The following LRRC4C variants were observed in gnomAD, a reference collection of about 807,000 sequenced individuals.
LRRC4C encodes leucine rich repeat containing 4C.
In LRRC4C, 5 loss-of-function variants were observed where a neutral mutation model predicts 33.6. The observed-to-expected ratio is 0.15, with a 90% confidence interval of 0.08 to 0.31. LRRC4C has a LOEUF of 0.31. Ranked by LOEUF, LRRC4C falls within the 10% of genes least tolerant of loss-of-function variation. LRRC4C has a pLI of 1.00. For missense variants in LRRC4C, 560 were observed against 796.7 expected, an observed-to-expected ratio of 0.70 and a Z score of 3.58; for synonymous variants, 329 against 302.0, an observed-to-expected ratio of 1.09 and a Z score of -0.93.
At chr11:40,366,176 C>T (rs567781963) in intron 3 of LRRC4C, among the ~76,000 whole-genome samples, 4 of 152,164 alleles carry the variant, frequency 2.6e-5, no homozygotes, top group South Asian at 2.1e-4. Context: ...TATGCACTCA[C>T]GGCTGTACCA....
At chr11:40,938,697 G>C (rs188276570) in intron 1 of LRRC4C, among the ~76,000 whole-genome samples, 1 of 152,268 alleles carries the variant, frequency 6.6e-6, no homozygotes, top group Admixed American at 6.5e-5. Flanking sequence ...GGTCATAGCT[G>C]AATAACTTTG....
intron 1 of LRRC4C, among the ~76,000 whole-genome samples, chr11:41,094,280 C>G (rs1940651957): frequency 6.6e-6 from 1 of 152,068 alleles, no homozygotes; most frequent in Non-Finnish European, 1.5e-5. Flanking sequence ...CTTTAAAGAG[C>G]ACCTACTGGC....
intron 1 of LRRC4C, among the ~76,000 whole-genome samples, chr11:40,986,084 G>A (rs1311041737): frequency 7.2e-5 from 11 of 152,020 alleles, no homozygotes; most frequent in African/African-American, 2.7e-4. Context: ...ATATATGAAA[G>A]TTTTCCACAT....
At position 41,011,921 on chromosome 11, in the gene LRRC4C, C is replaced by T. The variant is rs191312539; in HGVS notation, c.-495-78198G>A. 6.9e-4 allele frequency among the ~76,000 whole-genome samples: 100 copies of T among 144,140 alleles called. 2 individuals carry two copies. In the East Asian group the frequency reaches 0.016, roughly 23 times the overall value. The allele number at this position is 144,140 out of a possible 152,430, so 94.6% of individuals were successfully genotyped here. A position where few individuals can be genotyped will look rare whatever the true frequency, so the allele number is the denominator to read the frequency against. On this transcript the variant is annotated intron_variant, in intron 1 of 6. Coordinates refer to ENST00000528697, the MANE Select transcript of LRRC4C (RefSeq NM_001258419.2). ...GGAGTGCAGTGGTGTGATCTTGGCT[C>T]ACTGCAACCTTTGCCTCCTGGGTTT...
intron 1 of LRRC4C, among the ~76,000 whole-genome samples, chr11:40,936,424 G>A (rs1340989634): frequency 1.4e-5 from 2 of 139,574 alleles, no homozygotes; most frequent in Non-Finnish European, 3.0e-5. Flanking sequence ...TGCAAGCTCC[G>A]CCTCCCAGGT....
At chr11:40,238,299 T>C (rs1306037071) in intron 5 of LRRC4C, among the ~76,000 whole-genome samples, 2 of 152,198 alleles carry the variant, frequency 1.3e-5, no homozygotes, top group Non-Finnish European at 2.9e-5. Context: ...TGTTCTTAAA[T>C]ATCTGTAAGT....
At chr11:41,366,997 G>T (rs571823912) in intron 1 of LRRC4C, among the ~76,000 whole-genome samples, 4 of 152,274 alleles carry the variant, frequency 2.6e-5, no homozygotes, top group African/African-American at 9.6e-5. Flanking sequence ...TATTTTACTT[G>T]ATAATTTGCA....
rs527824671 is a variant in LRRC4C at position 40,615,722 on chromosome 11, A to G, written c.-270+32420T>C. On this transcript the variant is annotated intron_variant, in intron 3 of 6. Coordinates refer to ENST00000528697, the MANE Select transcript of LRRC4C (RefSeq NM_001258419.2). ...TTTCAAAAATTACATTAAAAAGTGC[A>G]AGTAAACACCGGCTATGCAGGAAGA... is the stretch of plus-strand genomic sequence containing the variant. Among the ~76,000 whole-genome samples, 20 of 151,856 alleles carry G rather than the reference A, an allele frequency of 1.3e-4. No individual in the cohort carries two copies. The South Asian group carries it at 4.1e-3, about 32-fold the overall frequency.
chr11:40,467,849 C>T (rs1362753700), intron 3 of LRRC4C, among the ~76,000 whole-genome samples: 2 of 152,154 alleles, frequency 1.3e-5, no homozygotes, highest in East Asian at 3.8e-4. Flanking sequence ...AGATCTCCCT[C>T]CTAGTATATC....
intron 1 of LRRC4C, among the ~76,000 whole-genome samples, chr11:41,017,654 T>C (rs1855686297): frequency 6.6e-6 from 1 of 151,812 alleles, no homozygotes; most frequent in African/African-American, 2.4e-5. Flanking sequence ...TTATGTGCTA[T>C]ATAATACTAC....
chr11:40,455,889 G>T (rs1952109464), intron 3 of LRRC4C, among the ~76,000 whole-genome samples: 1 of 152,084 alleles, frequency 6.6e-6, no homozygotes, highest in African/African-American at 2.4e-5. Context: ...GCATGGAGAT[G>T]AATATTAATG....
At chr11:40,909,794 T>C (rs1956586542) in intron 2 of LRRC4C, among the ~76,000 whole-genome samples, 1 of 152,198 alleles carries the variant, frequency 6.6e-6, no homozygotes, top group African/African-American at 2.4e-5. Flanking sequence ...CATATACAAT[T>C]ATTATACTAT....
At chr11:41,080,273 T>C (rs1939467296) in intron 1 of LRRC4C, among the ~76,000 whole-genome samples, 1 of 151,196 alleles carries the variant, frequency 6.6e-6, no homozygotes, top group Admixed American at 6.6e-5. Context: ...GTGTTTGCAC[T>C]AATTACAATT....
intron 5 of LRRC4C, among the ~76,000 whole-genome samples, chr11:40,172,368 C>T (rs567310910): frequency 4.6e-5 from 7 of 152,238 alleles, no homozygotes; most frequent in African/African-American, 7.2e-5. Context: ...CATTCCTCTC[C>T]CTTCACTATC....
intron 1 of LRRC4C, among the ~76,000 whole-genome samples, chr11:41,006,793 A>G (rs1306903122): frequency 2.6e-5 from 4 of 152,160 alleles, no homozygotes; most frequent in Non-Finnish European, 5.9e-5. Flanking sequence ...GCAATGTCTT[A>G]TATTCAATGT....
At chr11:40,954,988 C>T (rs917893750) in intron 1 of LRRC4C, among the ~76,000 whole-genome samples, 4 of 151,760 alleles carry the variant, frequency 2.6e-5, no homozygotes, top group African/African-American at 9.7e-5. Flanking sequence ...TCCCAATTCT[C>T]AAAACTGTAT....
At chr11:41,366,070 T>A (rs1312402732) in intron 1 of LRRC4C, among the ~76,000 whole-genome samples, 1 of 152,124 alleles carries the variant, frequency 6.6e-6, no homozygotes, top group Non-Finnish European at 1.5e-5. Context: ...TTTTTCTGCC[T>A]CTTAAGCATT....
intron 1 of LRRC4C, among the ~76,000 whole-genome samples, chr11:41,147,170 T>C (rs541447397): frequency 6.6e-6 from 1 of 152,340 alleles, no homozygotes; most frequent in Non-Finnish European, 1.5e-5. Flanking sequence ...TGGTATTCCA[T>C]AAATGATTCC....
intron 2 of LRRC4C, among the ~76,000 whole-genome samples, chr11:40,913,700 A>T (rs549361072): frequency 9.2e-5 from 14 of 152,348 alleles, no homozygotes; most frequent in African/African-American, 3.4e-4. Flanking sequence ...CTAAGATCAG[A>T]GCAGAACTGA....
Sources: allele counts gnomAD v4.1 joint callset (sites outside exome capture counted in the v4.1 genomes callset), GRCh38; gene constraint gnomAD v4.1.1; transcripts MANE v1.5; gene names NCBI Gene and HGNC (gene_info 2026-07-23, HGNC 2026-07-21).